MET: variants seen among roughly 807,000 people sequenced by gnomAD.
MET encodes hepatocyte growth factor receptor.
Under a neutral mutation model 133.1 loss-of-function variants are expected in MET, and 48 were observed. The ratio of observed to expected loss-of-function variants is 0.36; its 90% CI spans 0.29 to 0.46. The LOEUF is 0.46. Ranked by LOEUF, MET falls within the 20% of genes least tolerant of loss-of-function variation. The pLI is 1.00. For synonymous variants in MET, 628 were observed against 616.5 expected (o/e 1.02, Z -0.28); for missense variants, 1,442 against 1,695.9 (o/e 0.85, Z 2.63).
chr7:116,787,268 C>T (rs1224331975), intron 19 of MET, among the ~76,000 whole-genome samples: 1 of 152,148 alleles, frequency 6.6e-6, no homozygotes, highest in Admixed American at 6.6e-5. Context: ...AACCCATCCT[C>T]CAAGAACATA....
chr7:116,760,500 C>CCATA (rs1366299317), intron 10 of MET, among the ~76,000 whole-genome samples: 1 of 152,052 alleles, frequency 6.6e-6, no homozygotes, highest in African/African-American at 2.4e-5. Context: ...ATATAAAATA[C>CCATA]CATAATCTAG....
intron 18 of MET, among the ~76,000 whole-genome samples, chr7:116,782,883 G>C (rs1303933628): frequency 6.6e-6 from 1 of 152,180 alleles, no homozygotes; most frequent in African/African-American, 2.4e-5. Flanking sequence ...GAATGAAAAA[G>C]TAAAGTATCA....
At position 116,769,646 on chromosome 7, in the gene MET, G is replaced by C. The variant is rs1394626435; in HGVS notation, c.2585G>C (p.Gly862Ala). The C allele has an allele frequency of 1.9e-6, 3 of 1,609,642 alleles. No individual in the cohort carries two copies. In the African/African-American group the frequency reaches 4.1e-5, roughly 22 times the overall value. The change falls in exon 12 of 21, where the codon GGA becomes GCA. Residue 862 changes from glycine (G) to alanine (A), a missense_variant and splice_region_variant. Gly to Ala is a moderately conservative substitution (Grantham distance 60). Transcript: ENST00000397752. ...CTTTTTTTTTTTTTTTCCTTTCAGG[G>C]AAATGATATTGACCCTGAAGCAGTT... The part of the protein sequence containing the change: ...MGNENVLEIK[G>A]NDIDPEAVKG...
At chr7:116,715,141 C>T (rs933332894) in intron 2 of MET, among the ~76,000 whole-genome samples, 9 of 152,194 alleles carry the variant, frequency 5.9e-5, no homozygotes, top group African/African-American at 2.2e-4. Flanking sequence ...CCTTCAGCAC[C>T]TAGAACAGTC....
chr7:116,719,271 T>C (rs1792380203), intron 2 of MET, among the ~76,000 whole-genome samples: 6 of 148,202 alleles, frequency 4.0e-5, no homozygotes, highest in East Asian at 2.0e-4. Context: ...TCATGTGTTT[T>C]TTGGCTGCAT....
At chr7:116,693,471 A>G (rs1796845701) in intron 1 of MET, among the ~76,000 whole-genome samples, 1 of 152,212 alleles carries the variant, frequency 6.6e-6, no homozygotes, top group Admixed American at 6.5e-5. Flanking sequence ...ATAAGAAAGC[A>G]GTTGACCTCA....
intron 2 of MET, among the ~76,000 whole-genome samples, chr7:116,700,534 C>T (rs1791540895): frequency 6.6e-6 from 1 of 152,122 alleles, no homozygotes; most frequent in Non-Finnish European, 1.5e-5. Flanking sequence ...CGTGACATTT[C>T]AGATTATATT....
intron 1 of MET, among the ~76,000 whole-genome samples, chr7:116,678,591 T>C (rs567471769): frequency 2.2e-4 from 33 of 152,306 alleles, no homozygotes; most frequent in South Asian, 2.1e-3. Flanking sequence ...AGAGAAGTGG[T>C]AAATTTATTA....
At chr7:116,775,952 A>G (rs1369283076) in intron 15 of MET, among the ~76,000 whole-genome samples, 3 of 152,184 alleles carry the variant, frequency 2.0e-5, no homozygotes, top group Non-Finnish European at 4.4e-5. Flanking sequence ...ATAAATGAAT[A>G]TTTGTAATAA....
At chr7:116,733,858 T>G (rs1793115006) in intron 3 of MET, among the ~76,000 whole-genome samples, 1 of 152,188 alleles carries the variant, frequency 6.6e-6, no homozygotes, top group African/African-American at 2.4e-5. Context: ...GTAGGAAAGA[T>G]ACCTGATAAT....
At chr7:116,744,982 T>A (rs955365648) in intron 5 of MET, among the ~76,000 whole-genome samples, 6 of 152,126 alleles carry the variant, frequency 3.9e-5, no homozygotes, top group Admixed American at 1.3e-4. Context: ...AAAGAGGAAG[T>A]CAAATTGTCC....
intron 1 of MET, among the ~76,000 whole-genome samples, chr7:116,680,446 T>C (rs556011659): frequency 6.6e-6 from 1 of 152,286 alleles, no homozygotes; most frequent in Non-Finnish European, 1.5e-5. Flanking sequence ...TTTATGACAA[T>C]TCTTATGCCA....
rs1584957663 is a variant in MET, at chr7:116,774,883, C to G, written c.3031C>G (p.Gln1011Glu). ...VDYRATFPEDQFPNSSQNGSC... is the reference protein window; with the variant it reads ...VDYRATFPEDEFPNSSQNGSC... The stretch of plus-strand genomic sequence containing the variant: ...AATAATTTTCCTTCATCTTACAGAT[C>G]AGTTTCCTAATTCATCTCAGAACGG... Residue 1011 changes from glutamine (Q) to glutamate (E), a missense_variant and splice_region_variant, in exon 15 of 21, where the codon CAG (glutamine) becomes GAG (glutamate). Physicochemically the swap from Gln to Glu is conservative, Grantham distance 29 (BLOSUM62 2). Around this residue, in one of 6 missense-constraint regions of MET, gnomAD observed 514 missense variants for 659.6 expected, o/e 0.78. Coordinates refer to ENST00000397752, the MANE Select transcript of MET (RefSeq NM_000245.4). The G allele has an allele frequency of 1.9e-6, 3 of 1,613,304 alleles. No homozygotes were observed. Among genetic ancestry groups the G allele is most frequent in the Non-Finnish European group, 1.7e-6 (2 of 1,179,364 alleles).
In MET at chr7:116,798,059, A is replaced by T. The variant is rs553745206; in HGVS notation, c.*1935A>T. 1 of 221,668 alleles carries T rather than the reference A, an allele frequency of 4.5e-6. No individual in the cohort carries two copies. The highest frequency in any genetic ancestry group is 5.8e-5 in the Admixed American group (1 of 17,366). The allele number at this position is 221,668 out of a possible 1,614,324, so 13.7% of individuals were successfully genotyped here. On this transcript the variant is annotated 3_prime_UTR_variant, in exon 21 of 21. Coordinates refer to ENST00000397752, the MANE Select transcript of MET (RefSeq NM_000245.4). ...TTGTAAATGGTGGATGACAAAAGAA[A>T]ATCTGCTCTGTGGAAAGAAAGAACT...
intron 1 of MET, among the ~76,000 whole-genome samples, chr7:116,691,322 T>A (rs765135279): frequency 8.3e-4 from 126 of 152,322 alleles, no homozygotes; most frequent in Middle Eastern, 3.4e-3. Context: ...TGTTCTCAAA[T>A]GCAAAGTGAA....
intron 2 of MET, among the ~76,000 whole-genome samples, chr7:116,716,267 G>A (rs376929051): frequency 9.3e-5 from 12 of 129,174 alleles, no homozygotes; most frequent in African/African-American, 3.6e-4. Flanking sequence ...GCAAGCAAGA[G>A]GGAAGGAGGG....
Position 116,700,128 on chromosome 7 carries a change from A to G in MET, c.1044A>G (p.Gln348=), listed in dbSNP as rs1266319879. The part of the protein sequence containing the change: ...NDDILFGVFA[Q]SKPDSAEPMD... ...ACATTCTTTTCGGGGTGTTCGCACA[A>G]AGCAAGCCAGATTCTGCCGAACCAA... The change falls in exon 2 of 21, where the codon CAA becomes CAG. Residue 348 remains glutamine (Q), a synonymous_variant. Transcript: ENST00000397752. 1.2e-6 allele frequency: 2 copies of G among 1,603,038 alleles called. No individual in the cohort carries two copies. The highest frequency in any genetic ancestry group is 2.2e-5 in the East Asian group (1 of 44,784).
At position 116,731,793 on chromosome 7, in the gene MET, A is replaced by G; in HGVS notation, c.1326A>G (p.Ile442Met). 6.2e-7 allele frequency: 1 copy of G among 1,614,112 alleles called. No individual in the cohort carries two copies. Among genetic ancestry groups the G allele is most frequent in the Non-Finnish European group, 8.5e-7 (1 of 1,179,990 alleles). Residue 442 changes from isoleucine (I) to methionine (M), a missense_variant, in exon 3 of 21, where the codon ATA becomes ATG. By Grantham distance (10) the Ile-to-Met change is conservative (BLOSUM62 1). This residue lies in a region of MET where 762 missense variants were observed against 792.4 expected (regional missense o/e 0.96). Transcript: ENST00000397752. ...GQFSEVLLTS[I>M]STFIKGDLTI... ...TCAGCGAAGTCCTCTTAACATCTAT[A>G]TCCACCTTCATTAAAGGAGACCTCA...
At chr7:116,775,458 C>G (rs1235283594) in intron 15 of MET, among the ~76,000 whole-genome samples, 3 of 152,202 alleles carry the variant, frequency 2.0e-5, no homozygotes, top group African/African-American at 7.2e-5. Flanking sequence ...AATCCCAGCA[C>G]TTTGGGAGGC....
Sources: gnomAD v4.1 joint callset for allele counts (sites outside exome capture counted in the v4.1 genomes callset) on GRCh38, gnomAD v4.1.1 for gene constraint, gnomAD v4.1.1 regional missense constraint, MANE v1.5 for transcripts, NCBI Gene and HGNC (gene_info 2026-07-23, HGNC 2026-07-21) for gene names.